UTRN: variants seen among roughly 807,000 people sequenced by gnomAD.
UTRN encodes the protein dystrophin-related protein 1.
UTRN carries 283 observed loss-of-function variants against 463.9 expected under a neutral mutation model. That is an observed-to-expected ratio of 0.61 (90% CI 0.55 to 0.67). The LOEUF is 0.67. UTRN is among the 30% of genes least tolerant of loss of function. The probability of loss-of-function intolerance (pLI) is 0.00; values close to 1 mark genes in which losing one functional copy is unlikely to be tolerated. For missense variants in UTRN, 3,922 were observed against 4,084.3 expected (o/e 0.96, Z 1.08); for synonymous variants, 1,442 against 1,431.5 (o/e 1.01, Z -0.17).
chr6:144,573,446 C>A (rs1276426307), intron 50 of UTRN, among the ~76,000 whole-genome samples: 1 of 151,866 alleles, frequency 6.6e-6, no homozygotes, highest in Non-Finnish European at 1.5e-5. Flanking sequence ...GTAGTTCCAG[C>A]ACTTTGGGAG....
At chr6:144,708,283 A>G (rs1177593757) in intron 53 of UTRN, 3 of 662,282 alleles carry the variant, frequency 4.5e-6, no homozygotes, top group Non-Finnish European at 8.7e-6. Flanking sequence ...TAGAGTTGTA[A>G]GTACTGATTC....
At chr6:144,661,658 T>C (rs1779881633) in intron 51 of UTRN, among the ~76,000 whole-genome samples, 1 of 152,200 alleles carries the variant, frequency 6.6e-6, no homozygotes, top group Non-Finnish European at 1.5e-5. Context: ...TGTATAGATT[T>C]GTCTGTTTCT....
At chr6:144,354,081 G>A (rs186615677) in intron 2 of UTRN, among the ~76,000 whole-genome samples, 53 of 152,334 alleles carry the variant, frequency 3.5e-4, no homozygotes, top group African/African-American at 1.3e-3. Context: ...CCTCACCTGT[G>A]CAGTGCAGGC....
At chr6:144,452,552 C>T (rs1046306240) in intron 18 of UTRN, among the ~76,000 whole-genome samples, 1 of 152,008 alleles carries the variant, frequency 6.6e-6, no homozygotes, top group Non-Finnish European at 1.5e-5. Flanking sequence ...ATTTTACTTG[C>T]TTCATTCTTA....
intron 2 of UTRN, among the ~76,000 whole-genome samples, chr6:144,383,595 A>G (rs1781129037): frequency 6.6e-6 from 1 of 152,134 alleles, no homozygotes; most frequent in Non-Finnish European, 1.5e-5. Context: ...TCCACCCAAT[A>G]TACTTCTCCC....
intron 9 of UTRN, among the ~76,000 whole-genome samples, chr6:144,431,407 A>G (rs1785827561): frequency 6.6e-6 from 1 of 152,352 alleles, no homozygotes; most frequent in South Asian, 2.1e-4. Context: ...TTAGAGGCTG[A>G]ATTACGTTAA....
intron 51 of UTRN, among the ~76,000 whole-genome samples, chr6:144,590,362 T>C (rs1452780206): frequency 1.3e-5 from 2 of 152,156 alleles, no homozygotes; most frequent in African/African-American, 4.8e-5. Context: ...ATAACTTAAT[T>C]TGGTTTGATT....
intron 51 of UTRN, among the ~76,000 whole-genome samples, chr6:144,664,610 C>T (rs989677841): frequency 2.0e-5 from 3 of 151,632 alleles, no homozygotes; most frequent in South Asian, 2.1e-4. Flanking sequence ...TTATTAGCAT[C>T]GATTTCTTAA....
At chr6:144,822,803 G>A (rs1174548841) in intron 66 of UTRN, among the ~76,000 whole-genome samples, 2 of 152,000 alleles carry the variant, frequency 1.3e-5, no homozygotes, top group Non-Finnish European at 2.9e-5. Flanking sequence ...TTAACCTTTG[G>A]AATGGATAAT....
In UTRN at chr6:144,404,221, G is replaced by A. The variant is rs545978626; in HGVS notation, c.141+1037G>A. ...TTGCCTGTGAGTATGTAAGGAACAT[G>A]AAAACCAACTTTGACAGAGGGTTAA... On this transcript the variant is annotated intron_variant, in intron 3 of 74. Coordinates refer to ENST00000367545, the MANE Select transcript of UTRN (RefSeq NM_007124.3). Among the ~76,000 whole-genome samples, 8 of 152,262 alleles carry A rather than the reference G, an allele frequency of 5.3e-5. No individual in the cohort carries two copies. The South Asian group carries it at 1.7e-3, about 32-fold the overall frequency.
chr6:144,834,735 G>A (rs1280108741), intron 69 of UTRN, among the ~76,000 whole-genome samples: 1 of 152,198 alleles, frequency 6.6e-6, no homozygotes, highest in Admixed American at 6.5e-5. Context: ...ACAGGATGCT[G>A]TCTGACTCCA....
chr6:144,453,033 T>G (rs1285883743), intron 18 of UTRN, among the ~76,000 whole-genome samples: 2 of 151,962 alleles, frequency 1.3e-5, no homozygotes, highest in Admixed American at 6.6e-5. Flanking sequence ...ATGTATGAAA[T>G]ATGATTGTGC....
At chr6:144,633,388 C>A (rs536388537) in intron 51 of UTRN, among the ~76,000 whole-genome samples, 22 of 152,260 alleles carry the variant, frequency 1.4e-4, no homozygotes, top group South Asian at 4.1e-4. Flanking sequence ...TGCAACCACG[C>A]CCGGCTAATA....
At chr6:144,510,835 C>T in intron 34 of UTRN, 109 bp from the exon 35 acceptor site, 1 of 913,120 alleles carries the variant, frequency 1.1e-6, no homozygotes, top group Admixed American at 3.6e-5. Context: ...TATAGGGAGT[C>T]ATGGACTACT....
intron 41 of UTRN, 149 bp downstream of exon 41, chr6:144,523,337 T>G (rs1796275842): frequency 6.6e-6 from 4 of 605,088 alleles, no homozygotes; most frequent in South Asian, 4.8e-5. Flanking sequence ...TAAGAAGGAG[T>G]CTTGCTCTGT....
chr6:144,470,964 G>A (rs1195198026), intron 23 of UTRN, among the ~76,000 whole-genome samples: 4 of 150,676 alleles, frequency 2.7e-5, no homozygotes, highest in African/African-American at 2.4e-5. Context: ...GCATTGAGCC[G>A]AGATGGCGGC....
rs773046095 is a variant in UTRN, at chr6:144,499,409, A to G, written c.4746A>G (p.Thr1582=). Residue 1582 remains threonine, a synonymous_variant, in exon 34 of 75, where the codon ACA becomes ACG. Coordinates refer to ENST00000367545, the MANE Select transcript of UTRN (RefSeq NM_007124.3). ...TSEGLLGDLD[T]EISWAKNVLK... ...AAGGTCTGCTTGGTGACTTGGATAC[A>G]GAAATTTCCTGGGCTAAAGTAAGTT... is the stretch of plus-strand genomic sequence containing the variant. The G allele has an allele frequency of 2.4e-5, 38 of 1,607,440 alleles. No homozygotes were observed. In the Admixed American group the frequency reaches 6.0e-4, roughly 25 times the overall value.
At chr6:144,543,062 G>A (rs1312342871) in intron 46 of UTRN, among the ~76,000 whole-genome samples, 192 bp downstream of exon 46, 2 of 152,174 alleles carry the variant, frequency 1.3e-5, no homozygotes, top group African/African-American at 4.8e-5. Context: ...TGTGGGTAAG[G>A]CATTTGTTCT....
At chr6:144,666,611 G>A (rs1337079267) in intron 51 of UTRN, among the ~76,000 whole-genome samples, 3 of 152,166 alleles carry the variant, frequency 2.0e-5, no homozygotes, top group Non-Finnish European at 2.9e-5. Flanking sequence ...GGTATATTTG[G>A]CAAAGTTAAT....
Sources: allele counts gnomAD v4.1 joint callset (sites outside exome capture counted in the v4.1 genomes callset), GRCh38; gene constraint gnomAD v4.1.1; transcripts MANE v1.5; gene names NCBI Gene and HGNC (gene_info 2026-07-23, HGNC 2026-07-21).